LRRTM3: variants seen among roughly 807,000 people sequenced by gnomAD.
LRRTM3 encodes leucine rich repeat transmembrane neuronal 3, also known as leucine-rich repeat transmembrane neuronal protein 3.
A neutral mutation model predicts 44.7 loss-of-function variants in LRRTM3; 24 were observed. That is an observed-to-expected ratio of 0.54 (90% confidence interval 0.39 to 0.76). The LOEUF is 0.76. Ranked by LOEUF, LRRTM3 falls within the 30% of genes least tolerant of loss-of-function variation. The pLI is 0.00. For missense variants in LRRTM3, 587 were observed against 702.2 expected (o/e 0.84, Z 1.85); for synonymous variants, 277 against 278.7 (o/e 0.99, Z 0.06).
chr10:67,096,096 A>C (rs1857975534), intron 2 of LRRTM3, among the ~76,000 whole-genome samples: 2 of 151,860 alleles, frequency 1.3e-5, no homozygotes, highest in Non-Finnish European at 2.9e-5. Context: ...TGGAATTTTC[A>C]TTTAATAAGC....
At chr10:67,090,943 T>C (rs977316639) in intron 2 of LRRTM3, among the ~76,000 whole-genome samples, 2 of 152,082 alleles carry the variant, frequency 1.3e-5, no homozygotes, top group Non-Finnish European at 2.9e-5. Flanking sequence ...ATCAACTGCC[T>C]TAACACTTAG....
intron 2 of LRRTM3, among the ~76,000 whole-genome samples, chr10:66,970,298 T>C (rs1293987741): frequency 6.6e-6 from 1 of 152,160 alleles, no homozygotes; most frequent in Non-Finnish European, 1.5e-5. Context: ...AGTTACTCTG[T>C]TGTATTTTCA....
At chr10:66,943,587 C>T (rs995904671) in intron 2 of LRRTM3, among the ~76,000 whole-genome samples, 4 of 151,494 alleles carry the variant, frequency 2.6e-5, no homozygotes, top group East Asian at 1.9e-4. Flanking sequence ...GAAACTCTCA[C>T]GGCGAGGTGT....
chr10:66,942,285 T>C (rs1039117907), intron 2 of LRRTM3, among the ~76,000 whole-genome samples: 1 of 152,180 alleles, frequency 6.6e-6, no homozygotes, highest in African/African-American at 2.4e-5. Flanking sequence ...AATGATTAAA[T>C]GTCCTTGACG....
chr10:67,027,601 AC>A (rs1826720404), intron 2 of LRRTM3, among the ~76,000 whole-genome samples: 1 of 151,578 alleles, frequency 6.6e-6, no homozygotes. Context: ...TGCCCAGCTA[AC>A]TTTTTTGTAT....
chr10:66,991,582 G>A (rs1429319891), intron 2 of LRRTM3, among the ~76,000 whole-genome samples: 2 of 151,926 alleles, frequency 1.3e-5, no homozygotes, highest in Non-Finnish European at 2.9e-5. Context: ...ATGGAGTTTC[G>A]CTCTTGTTGC....
intron 2 of LRRTM3, among the ~76,000 whole-genome samples, chr10:66,943,210 AAG>A (rs1848105524): frequency 6.6e-6 from 1 of 152,234 alleles, no homozygotes; most frequent in Non-Finnish European, 1.5e-5. Context: ...GAAAAGCTAG[AAG>A]AGTTTCTAAA....
chr10:67,055,150 C>G (rs567094335), intron 2 of LRRTM3: 3 of 152,150 alleles, frequency 2.0e-5, no homozygotes, highest in Non-Finnish European at 4.4e-5. Context: ...TTCCTACCTA[C>G]GCATCTTTGA....
At chr10:67,025,129 CA>C (rs1206262968) in intron 2 of LRRTM3, among the ~76,000 whole-genome samples, 2 of 25,368 alleles carry the variant, frequency 7.9e-5, no homozygotes, top group African/African-American at 1.3e-4. Context: ...AAAACTCTGT[CA>C]AAAACAAAAA....
At chr10:67,072,177 C>T (rs932837894) in intron 2 of LRRTM3, among the ~76,000 whole-genome samples, 1 of 152,166 alleles carries the variant, frequency 6.6e-6, no homozygotes. Context: ...TGGTCTCGAA[C>T]TGCTGGCCTC....
intron 2 of LRRTM3, among the ~76,000 whole-genome samples, chr10:67,096,325 C>T (rs953535467): frequency 5.9e-5 from 9 of 151,674 alleles, no homozygotes; most frequent in East Asian, 5.8e-4. Context: ...GTGGCAAAGA[C>T]GGTTCTAATG....
In LRRTM3 at chr10:66,928,178, T is replaced by G; in HGVS notation, c.1262T>G (p.Ile421Ser). Residue 421 changes from isoleucine to serine, a missense_variant, in exon 2 of 3, where the codon ATC becomes AGC. By Grantham distance (142) the Ile-to-Ser change is moderately radical. Coordinates refer to ENST00000361320, the MANE Select transcript of LRRTM3 (RefSeq NM_178011.5). Reference sequence around the variant, plus strand: ...GAGCACATCTCTTTCCATAAAATCATCGCGGGCAGCGTGGCGCTTTTCCTG... The same window carrying G: ...GAGCACATCTCTTTCCATAAAATCAGCGCGGGCAGCGTGGCGCTTTTCCTG... ...DAEHISFHKI[I>S]AGSVALFLSV... 6.2e-7 allele frequency: 1 copy of G among 1,614,108 alleles called. No individual in the cohort carries two copies. Among genetic ancestry groups the G allele is most frequent in the African/African-American group, 1.3e-5 (1 of 75,052 alleles).
At chr10:66,986,371 C>A (rs1225582613) in intron 2 of LRRTM3, among the ~76,000 whole-genome samples, 1 of 152,072 alleles carries the variant, frequency 6.6e-6, no homozygotes, top group African/African-American at 2.4e-5. Flanking sequence ...GTGGCACATG[C>A]CTATAGTCCC....
rs930802715 is a variant in LRRTM3 at position 66,970,889 on chromosome 10, G to T, written c.1536+42437G>T. Among the ~76,000 whole-genome samples, 27 of 152,188 alleles carry T rather than the reference G, an allele frequency of 1.8e-4. 2 individuals carry two copies. Among genetic ancestry groups the T allele is most frequent in the African/African-American group, 6.3e-4 (26 of 41,506 alleles). On this transcript the variant is annotated intron_variant, in intron 2 of 2. Transcript: ENST00000361320. ...TTTTTCAAGATAATACAGATCTCAA[G>T]AATTCTCAATGTTCAAGCAAGAAAA... is the stretch of plus-strand genomic sequence containing the variant.
chr10:66,974,643 T>C (rs939153262), intron 2 of LRRTM3, among the ~76,000 whole-genome samples: 4 of 152,236 alleles, frequency 2.6e-5, no homozygotes, highest in Non-Finnish European at 4.4e-5. Flanking sequence ...AAGAGTTTCA[T>C]TGGTTCATAT....
chr10:67,000,759 A>G (rs1851635216), intron 2 of LRRTM3, among the ~76,000 whole-genome samples: 5 of 152,162 alleles, frequency 3.3e-5, no homozygotes, highest in Admixed American at 3.3e-4. Flanking sequence ...ACACCTGACA[A>G]TTACAATAAA....
At position 67,046,419 on chromosome 10, in the gene LRRTM3, A is replaced by G. The variant is rs1266272075; in HGVS notation, c.1537-51168A>G. 2.0e-5 allele frequency among the ~76,000 whole-genome samples: 3 copies of G among 152,176 alleles called. No homozygotes were observed. The East Asian group carries it at 5.8e-4, about 29-fold the overall frequency. ...AGAGTAACTGAAACAGGGATTCTCAACACATAGAACTTCTAATCCAGGCTG... is the reference window on the plus strand; with the variant it reads ...AGAGTAACTGAAACAGGGATTCTCAGCACATAGAACTTCTAATCCAGGCTG... On this transcript the variant is annotated intron_variant, in intron 2 of 2. Transcript: ENST00000361320.
intron 2 of LRRTM3, among the ~76,000 whole-genome samples, chr10:67,047,231 G>A (rs1854810428): frequency 1.3e-5 from 2 of 152,130 alleles, no homozygotes; most frequent in Non-Finnish European, 2.9e-5. Context: ...GAGTGGTGGA[G>A]TCTCTAGATG....
At chr10:67,001,712 T>C (rs1224140338) in intron 2 of LRRTM3, among the ~76,000 whole-genome samples, 1 of 152,124 alleles carries the variant, frequency 6.6e-6, no homozygotes, top group African/African-American at 2.4e-5. Flanking sequence ...AAAACTGTGA[T>C]TTACATACAT....
Sources: gnomAD v4.1 joint callset for allele counts (sites outside exome capture counted in the v4.1 genomes callset) on GRCh38, gnomAD v4.1.1 for gene constraint, MANE v1.5 for transcripts, NCBI Gene and HGNC (gene_info 2026-07-23, HGNC 2026-07-21) for gene names.